The following NAV2 variants were observed in gnomAD, a reference collection of about 807,000 sequenced individuals.
NAV2 encodes the protein helicase, APC down-regulated 1.
Under a neutral mutation model 223.2 loss-of-function variants are expected in NAV2, and 54 were observed. The observed-to-expected ratio is 0.24, with a 90% CI of 0.19 to 0.30. The LOEUF (loss-of-function observed/expected upper bound fraction) is 0.30, where lower values mean the gene tolerates loss of function less well. NAV2 is among the 10% of genes least tolerant of loss of function. The probability of loss-of-function intolerance (pLI) is 1.00; values close to 1 mark genes in which losing one functional copy is unlikely to be tolerated. For missense variants in NAV2, 2,806 were observed against 3,147.5 expected, an observed-to-expected ratio of 0.89 and a Z score of 2.60; for synonymous variants, 1,279 against 1,239.3, an observed-to-expected ratio of 1.03 and a Z score of -0.67.
At chr11:19,473,915 T>A (rs1028700621) in intron 1 of NAV2, among the ~76,000 whole-genome samples, 2 of 152,248 alleles carry the variant, frequency 1.3e-5, no homozygotes, top group Non-Finnish European at 2.9e-5. Context: ...TAAAAGGTTA[T>A]GACCTCCTTG....
upstream of NAV2, chr11:19,350,582 G>A (rs1950570684): frequency 1.5e-5 from 4 of 271,226 alleles, no homozygotes; most frequent in South Asian, 2.2e-4. Flanking sequence ...AATTATCTGT[G>A]CCAAGGAGAC....
intron 1 of NAV2, among the ~76,000 whole-genome samples, chr11:19,570,819 C>A (rs1199904581): frequency 1.3e-5 from 2 of 152,142 alleles, no homozygotes; most frequent in African/African-American, 4.8e-5. Context: ...GAAATTAGAA[C>A]CTTCCTATAG....
chr11:19,597,045 GTGACTCCAAGTT>G (rs2046224448), intron 1 of NAV2, among the ~76,000 whole-genome samples: 4 of 152,198 alleles, frequency 2.6e-5, no homozygotes, highest in Non-Finnish European at 5.9e-5. Context: ...ATGCAAGAAT[GTGACTCCAAGTT>G]TTTCCTTCCT....
At chr11:19,899,891 G>C (rs1206862022) in intron 6 of NAV2, among the ~76,000 whole-genome samples, 1 of 152,184 alleles carries the variant, frequency 6.6e-6, no homozygotes, top group African/African-American at 2.4e-5. Context: ...TGGAGGGCTT[G>C]TAGAGTGTAA....
intron 31 of NAV2, 125 bp from the exon 32 acceptor site, chr11:20,100,812 A>C: frequency 2.8e-6 from 2 of 721,346 alleles, no homozygotes; most frequent in Non-Finnish European, 4.8e-6. Context: ...GGTGTGCAGG[A>C]GTCTCAGGTG....
At chr11:19,745,427 T>C (rs2053252507) in intron 1 of NAV2, among the ~76,000 whole-genome samples, 1 of 152,230 alleles carries the variant, frequency 6.6e-6, no homozygotes, top group African/African-American at 2.4e-5. Context: ...GTGCCTACTC[T>C]GCCTAATGGG....
At chr11:19,985,803 C>T (rs1395601218) in intron 11 of NAV2, among the ~76,000 whole-genome samples, 1 of 152,014 alleles carries the variant, frequency 6.6e-6, no homozygotes, top group Admixed American at 6.6e-5. Context: ...CTCGAACTCT[C>T]GAATTCAGGT....
intron 6 of NAV2, among the ~76,000 whole-genome samples, chr11:19,918,015 C>T (rs2043954175): frequency 6.6e-6 from 1 of 152,170 alleles, no homozygotes; most frequent in African/African-American, 2.4e-5. Context: ...CTACCTTCTC[C>T]AGCTTTTTGA....
intron 1 of NAV2, among the ~76,000 whole-genome samples, chr11:19,592,004 C>A (rs1004562538): frequency 2.0e-5 from 3 of 152,182 alleles, no homozygotes; most frequent in Non-Finnish European, 2.9e-5. Context: ...TAAGTCCTGA[C>A]CCCTATCACA....
chr11:19,853,913 G>A (rs923335609), intron 3 of NAV2, among the ~76,000 whole-genome samples: 1 of 152,190 alleles, frequency 6.6e-6, no homozygotes, highest in East Asian at 1.9e-4. Flanking sequence ...CTCACTCAGT[G>A]AATGTTTAAT....
intron 1 of NAV2, among the ~76,000 whole-genome samples, chr11:19,791,348 G>A (rs1341209151): frequency 2.0e-5 from 3 of 152,056 alleles, no homozygotes; most frequent in African/African-American, 4.8e-5. Context: ...TATCCAGCCC[G>A]CCCCTTGTAC....
At chr11:20,018,735 G>A (rs755513021) in intron 11 of NAV2, among the ~76,000 whole-genome samples, 2 of 152,202 alleles carry the variant, frequency 1.3e-5, no homozygotes, top group Non-Finnish European at 2.9e-5. Context: ...TGTGTTGAGG[G>A]AAAGACAGAC....
chr11:20,107,244 GT>G (rs759043206), intron 35 of NAV2: 182 of 133,274 alleles, frequency 1.4e-3, no homozygotes, highest in Admixed American at 1.9e-3. Flanking sequence ...CGCCTGGCTA[GT>G]TTTTTTTTTT....
At position 19,859,800 on chromosome 11, in the gene NAV2, C is replaced by T. The variant is rs1311798403; in HGVS notation, c.439-9125C>T. Among the ~76,000 whole-genome samples the T allele has an allele frequency of 3.4e-5, 5 of 145,978 alleles. No individual in the cohort carries two copies. The South Asian group carries it at 6.5e-4, about 19-fold the overall frequency. ...CCCCCCACCTCCCTCCCGGACGGGG[C>T]GGCTGGCCGGGCGGGGGGCTGACCA... is the stretch of plus-strand genomic sequence containing the variant. On this transcript the variant is annotated intron_variant, in intron 3 of 37. Coordinates refer to ENST00000349880, the MANE Select transcript of NAV2 (RefSeq NM_145117.5).
At chr11:19,392,339 A>G (rs185184060) in intron 1 of NAV2, among the ~76,000 whole-genome samples, 29 of 151,532 alleles carry the variant, frequency 1.9e-4, no homozygotes, top group African/African-American at 6.8e-4. Flanking sequence ...AGTTACATAT[A>G]TTTTGTTCAG....
intron 26 of NAV2, among the ~76,000 whole-genome samples, chr11:20,086,083 C>T (rs1352751519): frequency 1.3e-5 from 2 of 152,174 alleles, no homozygotes; most frequent in South Asian, 2.1e-4. Flanking sequence ...CCCACATATG[C>T]GAGTAGGCTA....
chr11:19,374,205 T>A (rs566799865), intron 1 of NAV2, among the ~76,000 whole-genome samples: 1 of 152,334 alleles, frequency 6.6e-6, no homozygotes, highest in African/African-American at 2.4e-5. Context: ...TTTCACTATG[T>A]ATCAATGAAC....
intron 8 of NAV2, among the ~76,000 whole-genome samples, chr11:19,943,420 A>G (rs1165577135): frequency 6.6e-6 from 1 of 152,124 alleles, no homozygotes; most frequent in Non-Finnish European, 1.5e-5. Context: ...ATGCCTTCCA[A>G]ATTTCTTTGG....
intron 1 of NAV2, among the ~76,000 whole-genome samples, chr11:19,827,972 G>A (rs1328179357): frequency 6.6e-6 from 1 of 152,012 alleles, no homozygotes; most frequent in Non-Finnish European, 1.5e-5. Flanking sequence ...GGGAGGAAGG[G>A]GAGGGTGGGG....
Sources: allele counts gnomAD v4.1 joint callset (sites outside exome capture counted in the v4.1 genomes callset), GRCh38; gene constraint gnomAD v4.1.1; transcripts MANE v1.5; gene names NCBI Gene and HGNC (gene_info 2026-07-23, HGNC 2026-07-21).